The following GRAMD1C variants were observed in gnomAD, a reference collection of about 807,000 sequenced individuals.
GRAMD1C encodes the protein GRAM domain containing 1C, also known as protein Aster-C.
A neutral mutation model predicts 97.8 loss-of-function variants in GRAMD1C; 89 were observed. The observed-to-expected ratio is 0.91, with a 90% confidence interval of 0.77 to 1.09. The LOEUF is 1.09. Among genes scored for constraint, GRAMD1C ranks in the 50% least tolerant of loss-of-function variants. The pLI is 0.00. For synonymous variants in GRAMD1C, 256 were observed against 267.0 expected, an observed-to-expected ratio of 0.96 and a Z score of 0.40; for missense variants, 740 against 766.4, an observed-to-expected ratio of 0.97 and a Z score of 0.41.
At chr3:113,942,315 G>A (rs1488191318) in intron 17 of GRAMD1C, among the ~76,000 whole-genome samples, 1 of 151,208 alleles carries the variant, frequency 6.6e-6, no homozygotes, top group Admixed American at 6.6e-5. Context: ...TACTCATTTT[G>A]CATCAAGATC....
At chr3:113,858,394 ATTTTT>A (rs71144094) in intron 2 of GRAMD1C, among the ~76,000 whole-genome samples, 1 of 109,360 alleles carries the variant, frequency 9.1e-6, no homozygotes. Context: ...TCCCAGCTAC[ATTTTT>A]TTTTTTTTTT....
intron 14 of GRAMD1C, 34 bp downstream of exon 14, chr3:113,936,476 T>A (rs1463800929): frequency 3.5e-6 from 5 of 1,438,510 alleles, no homozygotes. Flanking sequence ...GATGAAAGAT[T>A]TTTACTTTAG....
chr3:113,886,698 A>G (rs1233385719), intron 6 of GRAMD1C, among the ~76,000 whole-genome samples: 1 of 152,082 alleles, frequency 6.6e-6, no homozygotes, highest in African/African-American at 2.4e-5. Flanking sequence ...AATAAAGATT[A>G]TAACAGAAAT....
intron 11 of GRAMD1C, among the ~76,000 whole-genome samples, chr3:113,931,325 G>C (rs1171782743): frequency 6.6e-6 from 1 of 151,636 alleles, no homozygotes; most frequent in Non-Finnish European, 1.5e-5. Context: ...GCTCCTGAGG[G>C]TCATTATACT....
intron 2 of GRAMD1C, among the ~76,000 whole-genome samples, chr3:113,852,925 T>C (rs1933970517): frequency 6.6e-6 from 1 of 152,026 alleles, no homozygotes; most frequent in East Asian, 1.9e-4. Flanking sequence ...CTATAATCCA[T>C]CTCTAACTGT....
rs1709684706 is a variant in GRAMD1C at position 113,838,790 on chromosome 3, T to C, written c.-120T>C. ...CGCAAGGAGCTGCGGCTGGAAGTAC[T>C]CGGAGGGCCGGCGGAGGAGGCGCGC... On this transcript the variant is annotated 5_prime_UTR_variant, in exon 1 of 18. Coordinates refer to ENST00000358160, the MANE Select transcript of GRAMD1C (RefSeq NM_017577.5). 4.7e-6 allele frequency: 3 copies of C among 637,752 alleles called. No homozygotes were observed. Among genetic ancestry groups the C allele is most frequent in the Non-Finnish European group, 4.4e-6 (2 of 449,962 alleles). The allele number at this position is 637,752 out of a possible 1,614,324, so 39.5% of individuals were successfully genotyped here. A position where few individuals can be genotyped will look rare whatever the true frequency, so the allele number is the denominator to read the frequency against.
Position 113,844,570 on chromosome 3 carries a change from C to T in GRAMD1C, c.95C>T (p.Pro32Leu). The change falls in exon 2 of 18, where the codon CCA becomes CTA. Residue 32 changes from proline (P) to leucine (L), a missense_variant. Coordinates refer to ENST00000358160, the MANE Select transcript of GRAMD1C (RefSeq NM_017577.5). ...GAAGATGTAGAGGAAAATCCTAGTC[C>T]AACTGTGGAAGAGAATAATGTGGTA... ...LQEDVEENPSPTVEENNVVVK... is the reference protein window; with the variant it reads ...LQEDVEENPSLTVEENNVVVK... 6.2e-7 allele frequency: 1 copy of T among 1,602,282 alleles called. No individual in the cohort carries two copies. The highest frequency in any genetic ancestry group is 8.5e-7 in the Non-Finnish European group (1 of 1,171,400).
In GRAMD1C at chr3:113,846,200, G is replaced by T. The variant is rs1933606704; in HGVS notation, c.174+1551G>T. Among the ~76,000 whole-genome samples, 7 of 152,004 alleles carry T rather than the reference G, an allele frequency of 4.6e-5. 1 individual carries two copies. In the South Asian group the frequency reaches 1.5e-3, roughly 32 times the overall value. ...CCAGTCATTGCAACCTCTGCCTCCT[G>T]GGTTCAAGTGCTTCTCCAGCCTCAG... On this transcript the variant is annotated intron_variant, in intron 2 of 17. Coordinates refer to ENST00000358160, the MANE Select transcript of GRAMD1C (RefSeq NM_017577.5).
At chr3:113,832,115 C>A (rs1709567195) in intron 1 of GRAMD1C, among the ~76,000 whole-genome samples, 2 of 152,040 alleles carry the variant, frequency 1.3e-5, no homozygotes, top group Non-Finnish European at 2.9e-5. Context: ...CGATTCATTG[C>A]AGCCTCCATT....
At chr3:113,899,107 C>T (rs1936046356) in intron 6 of GRAMD1C, among the ~76,000 whole-genome samples, 2 of 152,020 alleles carry the variant, frequency 1.3e-5, no homozygotes, top group Non-Finnish European at 2.9e-5. Context: ...TGTGTTGTGG[C>T]CCCATCAAGT....
At chr3:113,924,617 C>T (rs930415624) in intron 10 of GRAMD1C, among the ~76,000 whole-genome samples, 1 of 152,160 alleles carries the variant, frequency 6.6e-6, no homozygotes, top group East Asian at 1.9e-4. Flanking sequence ...TGTTATTGCA[C>T]TGTGGTCCGA....
chr3:113,934,147 G>C (rs1045176815), intron 12 of GRAMD1C, among the ~76,000 whole-genome samples: 1 of 152,154 alleles, frequency 6.6e-6, no homozygotes, highest in Non-Finnish European at 1.5e-5. Flanking sequence ...AGAAAATTTA[G>C]TATTTATTTT....
chr3:113,887,086 T>G (rs1289795637), intron 6 of GRAMD1C, among the ~76,000 whole-genome samples: 3 of 61,362 alleles, frequency 4.9e-5, no homozygotes, highest in East Asian at 4.4e-4. Flanking sequence ...GGCCTTTTTG[T>G]TTTTTTTTTG....
intron 6 of GRAMD1C, among the ~76,000 whole-genome samples, chr3:113,888,524 C>G (rs1009926681): frequency 6.6e-6 from 1 of 152,106 alleles, no homozygotes; most frequent in African/African-American, 2.4e-5. Flanking sequence ...GGCAAGCAAG[C>G]AAATGATAAC....
chr3:113,893,986 A>G lies in GRAMD1C; in HGVS notation c.541-7045A>G, dbSNP rs532501798. ...AGGGCACACCCTAAGTTCAATGTAT[A>G]TTTAATTCAATTTCTTTAACCTTCA... On this transcript the variant is annotated intron_variant, in intron 6 of 17. Transcript: ENST00000358160. Among the ~76,000 whole-genome samples the G allele has an allele frequency of 3.3e-5, 5 of 152,316 alleles. No individual in the cohort carries two copies. In the East Asian group the frequency reaches 9.6e-4, roughly 29 times the overall value.
At chr3:113,916,652 A>G (rs1344265488) in intron 10 of GRAMD1C, among the ~76,000 whole-genome samples, 6 of 152,292 alleles carry the variant, frequency 3.9e-5, no homozygotes, top group Admixed American at 6.5e-5. Context: ...TTTAAGTTCT[A>G]TATCCTGATC....
intron 3 of GRAMD1C, among the ~76,000 whole-genome samples, chr3:113,873,358 C>G (rs560975346): frequency 6.6e-6 from 1 of 152,200 alleles, no homozygotes; most frequent in South Asian, 2.1e-4. Context: ...AGTTACTATG[C>G]CTTTGAACAT....
chr3:113,865,878 G>C (rs1350202558), intron 2 of GRAMD1C, among the ~76,000 whole-genome samples: 1 of 152,038 alleles, frequency 6.6e-6, no homozygotes, highest in Non-Finnish European at 1.5e-5. Context: ...GGATTAAGAT[G>C]ATTTGAAGTT....
upstream of GRAMD1C, among the ~76,000 whole-genome samples, chr3:113,836,608 C>T (rs1709634850): frequency 6.6e-6 from 1 of 151,538 alleles, no homozygotes; most frequent in South Asian, 2.1e-4. Context: ...TTAAAGACAC[C>T]CTGCAACATA....
Sources: allele counts gnomAD v4.1 joint callset (sites outside exome capture counted in the v4.1 genomes callset), GRCh38; gene constraint gnomAD v4.1.1; transcripts MANE v1.5; gene names NCBI Gene and HGNC (gene_info 2026-07-23, HGNC 2026-07-21).